LHFPL6: variants seen among roughly 807,000 people sequenced by gnomAD.
LHFPL6 encodes LHFPL tetraspan subfamily member 6 protein.
In LHFPL6, 9 loss-of-function variants were observed where a neutral mutation model predicts 20.6. That is an observed-to-expected ratio of 0.44 (90% CI 0.26 to 0.76). The LOEUF (loss-of-function observed/expected upper bound fraction) is 0.76, where lower values mean the gene tolerates loss of function less well. Ranked by LOEUF, LHFPL6 falls within the 30% of genes least tolerant of loss-of-function variation. The probability of loss-of-function intolerance (pLI) is 0.20; values close to 1 mark genes in which losing one functional copy is unlikely to be tolerated. For synonymous variants in LHFPL6, 105 were observed against 98.7 expected (o/e 1.06, Z -0.38); for missense variants, 218 against 253.5 (o/e 0.86, Z 0.95).
At chr13:39,462,174 A>G (rs1044174291) in intron 2 of LHFPL6, among the ~76,000 whole-genome samples, 17 of 152,120 alleles carry the variant, frequency 1.1e-4, no homozygotes, top group Non-Finnish European at 1.3e-4. Flanking sequence ...CCTTTCTCTT[A>G]TTAGGTCTCT....
intron 2 of LHFPL6, among the ~76,000 whole-genome samples, chr13:39,576,849 G>A (rs1464713089): frequency 6.6e-6 from 1 of 151,986 alleles, no homozygotes; most frequent in Non-Finnish European, 1.5e-5. Context: ...CGTTGCTTGG[G>A]CTCTTAATAA....
chr13:39,600,950 G>T lies in LHFPL6; in HGVS notation c.267C>A (p.Thr89=). The change falls in exon 2 of 4, where the codon ACC becomes ACA. Residue 89 remains threonine, a synonymous_variant. Transcript: ENST00000379589. Reference sequence around the variant, plus strand: ...GGAGGAGGAGGCCACAACCCAGGCCGGTCACTATGGTGCAGATCCTCCATT... The same window carrying T: ...GGAGGAGGAGGCCACAACCCAGGCCTGTCACTATGGTGCAGATCCTCCATT... ...SAEWRICTIV[T]GLGCGLLLLV... 1 of 1,608,916 alleles carries T rather than the reference G, an allele frequency of 6.2e-7. No individual in the cohort carries two copies. The highest frequency in any genetic ancestry group is 2.2e-5 in the East Asian group (1 of 44,778).
chr13:39,432,462 G>T (rs911704969), intron 2 of LHFPL6, among the ~76,000 whole-genome samples: 1 of 151,890 alleles, frequency 6.6e-6, no homozygotes, highest in African/African-American at 2.4e-5. Flanking sequence ...TCATCCCTTG[G>T]CCTGAAATGC....
intron 2 of LHFPL6, among the ~76,000 whole-genome samples, chr13:39,510,867 T>C (rs1593342415): frequency 1.2e-5 from 1 of 86,108 alleles, no homozygotes; most frequent in African/African-American, 5.3e-5. Context: ...TAATCATTAC[T>C]TTAAATTTTT....
At chr13:39,372,653 G>C (rs760621351) in intron 3 of LHFPL6, among the ~76,000 whole-genome samples, 4 of 152,074 alleles carry the variant, frequency 2.6e-5, no homozygotes, top group Non-Finnish European at 4.4e-5. Flanking sequence ...AGAATCAATC[G>C]GATTATAAGA....
At chr13:39,573,495 A>G (rs1872001530) in intron 2 of LHFPL6, among the ~76,000 whole-genome samples, 1 of 152,212 alleles carries the variant, frequency 6.6e-6, no homozygotes, top group Admixed American at 6.5e-5. Context: ...ATTAAAATTT[A>G]TGAATGCATA....
intron 3 of LHFPL6, among the ~76,000 whole-genome samples, chr13:39,362,793 C>A (rs1009287911): frequency 7.9e-5 from 12 of 152,302 alleles, no homozygotes; most frequent in African/African-American, 2.6e-4. Context: ...AAACAACCTA[C>A]AAATTGAATC....
intron 3 of LHFPL6, among the ~76,000 whole-genome samples, 157 bp from the exon 4 acceptor site, chr13:39,344,211 A>G (rs992394306): frequency 2.0e-5 from 3 of 152,214 alleles, no homozygotes; most frequent in African/African-American, 7.2e-5. Flanking sequence ...TTATCTTGAC[A>G]GTGAAGAAAG....
At chr13:39,559,814 A>G (rs193235576) in intron 2 of LHFPL6, among the ~76,000 whole-genome samples, 1 of 152,340 alleles carries the variant, frequency 6.6e-6, no homozygotes, top group East Asian at 1.9e-4. Flanking sequence ...TATATTATTA[A>G]TAATGTGTTT....
At chr13:39,589,798 T>TA (rs1872548601) in intron 2 of LHFPL6, among the ~76,000 whole-genome samples, 1 of 152,222 alleles carries the variant, frequency 6.6e-6, no homozygotes. Flanking sequence ...AAATAATTTT[T>TA]AAAAGACAGT....
intron 2 of LHFPL6, among the ~76,000 whole-genome samples, chr13:39,459,745 C>T (rs1237691430): frequency 3.3e-5 from 5 of 152,044 alleles, no homozygotes; most frequent in Admixed American, 6.5e-5. Context: ...CTGAGGGTCC[C>T]GCAAAGTTGA....
intron 2 of LHFPL6, among the ~76,000 whole-genome samples, chr13:39,458,940 C>T (rs1042184885): frequency 6.6e-6 from 1 of 151,992 alleles, no homozygotes; most frequent in Non-Finnish European, 1.5e-5. Context: ...TTTTTTCCTT[C>T]TATGAACTGT....
At chr13:39,419,880 A>C (rs1871436353) in intron 2 of LHFPL6, among the ~76,000 whole-genome samples, 1 of 152,228 alleles carries the variant, frequency 6.6e-6, no homozygotes, top group African/African-American at 2.4e-5. Flanking sequence ...ATATTTAAAA[A>C]TCCAAGTACT....
At chr13:39,590,891 T>G (rs977535871) in intron 2 of LHFPL6, among the ~76,000 whole-genome samples, 1 of 152,218 alleles carries the variant, frequency 6.6e-6, no homozygotes, top group African/African-American at 2.4e-5. Flanking sequence ...AACTAATCCA[T>G]ACTGACCATG....
At chr13:39,531,518 G>C (rs1049065129) in intron 2 of LHFPL6, among the ~76,000 whole-genome samples, 1 of 152,078 alleles carries the variant, frequency 6.6e-6, no homozygotes, top group Non-Finnish European at 1.5e-5. Context: ...AACTATTCTG[G>C]GGCCACCAAA....
At chr13:39,440,513 A>G (rs1383397711) in intron 2 of LHFPL6, among the ~76,000 whole-genome samples, 1 of 152,240 alleles carries the variant, frequency 6.6e-6, no homozygotes, top group Non-Finnish European at 1.5e-5. Context: ...AACAGAGAGC[A>G]AATACATAGG....
At chr13:39,464,304 C>T (rs551641016) in intron 2 of LHFPL6, among the ~76,000 whole-genome samples, 2 of 152,044 alleles carry the variant, frequency 1.3e-5, no homozygotes, top group African/African-American at 4.8e-5. Flanking sequence ...TGATACAAAC[C>T]AATAAATTGA....
chr13:39,577,328 T>C (rs376969769), intron 2 of LHFPL6, among the ~76,000 whole-genome samples: 1 of 152,142 alleles, frequency 6.6e-6, no homozygotes, highest in South Asian at 2.1e-4. Flanking sequence ...CCAAGGAAAA[T>C]TGAAGTAGCA....
chr13:39,390,954 G>A (rs1870693860), intron 2 of LHFPL6, among the ~76,000 whole-genome samples: 1 of 151,370 alleles, frequency 6.6e-6, no homozygotes, highest in Non-Finnish European at 1.5e-5. Context: ...CTGAGATCGC[G>A]CCACTGCGCT....
Sources: allele counts gnomAD v4.1 joint callset (sites outside exome capture counted in the v4.1 genomes callset), GRCh38; gene constraint gnomAD v4.1.1; transcripts MANE v1.5; gene names NCBI Gene and HGNC (gene_info 2026-07-23, HGNC 2026-07-21).